The following SMYD3 variants were observed in gnomAD, a reference collection of about 807,000 sequenced individuals.
SMYD3 encodes the protein SET and MYND domain containing 3.
A neutral mutation model predicts 57.7 loss-of-function variants in SMYD3; 36 were observed. The ratio of observed to expected loss-of-function variants is 0.62; its 90% CI spans 0.48 to 0.82. The LOEUF is 0.82. Ranked by LOEUF, SMYD3 falls within the 40% of genes least tolerant of loss-of-function variation. The pLI is 0.00. For missense variants in SMYD3, 515 were observed against 538.8 expected (o/e 0.96, Z 0.44); for synonymous variants, 211 against 195.0 (o/e 1.08, Z -0.68).
rs568455123 is a variant in SMYD3 at position 246,488,634 on chromosome 1, C to T, written c.164+18420G>A. On this transcript the variant is annotated intron_variant, in intron 1 of 11. Transcript: ENST00000490107. ...CCAGGAGGCAGAGGTTGCAGTGTGC[C>T]GAGATCGCACCACTGCACTCCAGCT... Among the ~76,000 whole-genome samples, 12 of 152,152 alleles carry T rather than the reference C, an allele frequency of 7.9e-5. No individual in the cohort carries two copies. The South Asian group carries it at 2.1e-3, about 26-fold the overall frequency.
chr1:246,407,173 A>G (rs1011112232), intron 1 of SMYD3, among the ~76,000 whole-genome samples: 1 of 152,242 alleles, frequency 6.6e-6, no homozygotes, highest in African/African-American at 2.4e-5. Flanking sequence ...ATCACATACA[A>G]TTTTCAAATG....
At chr1:246,330,369 T>A (rs1244316415) in intron 4 of SMYD3, 111 bp downstream of exon 4, 7 of 818,464 alleles carry the variant, frequency 8.6e-6, no homozygotes, top group Admixed American at 3.1e-5. Flanking sequence ...TTTGTTAGGT[T>A]TGCATCACAT....
At chr1:246,216,696 G>C (rs2063169977) in intron 5 of SMYD3, among the ~76,000 whole-genome samples, 1 of 152,046 alleles carries the variant, frequency 6.6e-6, no homozygotes, top group Non-Finnish European at 1.5e-5. Context: ...CATAAAAGAA[G>C]TTGTATTTAA....
At chr1:246,246,534 T>C (rs2063707226) in intron 5 of SMYD3, among the ~76,000 whole-genome samples, 1 of 152,148 alleles carries the variant, frequency 6.6e-6, no homozygotes, top group African/African-American at 2.4e-5. Flanking sequence ...GAAGAGTGAA[T>C]TGTTCATATT....
Position 245,831,687 on chromosome 1 carries a change from G to A in SMYD3, c.1076+26809C>T, listed in dbSNP as rs563853734. Among the ~76,000 whole-genome samples, 15 of 152,318 alleles carry A rather than the reference G, an allele frequency of 9.8e-5. No homozygotes were observed. In the East Asian group the frequency reaches 2.3e-3, roughly 24 times the overall value. On this transcript the variant is annotated intron_variant, in intron 10 of 11. Transcript: ENST00000490107. Reference sequence around the variant, plus strand: ...GAGGTCAAGTCTGGAGCAGTGGCTTGTATTAATAGATCCTTTGTGAGGGCA... The same window carrying A: ...GAGGTCAAGTCTGGAGCAGTGGCTTATATTAATAGATCCTTTGTGAGGGCA...
intron 5 of SMYD3, among the ~76,000 whole-genome samples, chr1:246,036,712 C>A (rs1397849243): frequency 1.1e-5 from 1 of 94,614 alleles, no homozygotes; most frequent in Admixed American, 1.0e-4. Flanking sequence ...TGCCACTAAG[C>A]CCGGCTAATT....
At chr1:245,987,639 T>G (rs977373680) in intron 5 of SMYD3, among the ~76,000 whole-genome samples, 7 of 152,240 alleles carry the variant, frequency 4.6e-5, no homozygotes, top group African/African-American at 1.7e-4. Flanking sequence ...TTTATAAATA[T>G]GAAAACTAAG....
At position 246,230,805 on chromosome 1, in the gene SMYD3, G is replaced by C. The variant is rs150172080; in HGVS notation, c.531+96396C>G. Among the ~76,000 whole-genome samples the C allele has an allele frequency of 2.9e-3, 443 of 152,308 alleles. 3 individuals carry two copies. Among genetic ancestry groups the C allele is most frequent in the Middle Eastern group, 0.014 (4 of 294 alleles). The stretch of plus-strand genomic sequence containing the variant: ...CGTGGCTGTTGAGCAGTTGAAATGT[G>C]TTTAGTGCAAGAGAAAGACTTAATT... On this transcript the variant is annotated intron_variant, in intron 5 of 11. Transcript: ENST00000490107.
intron 1 of SMYD3, among the ~76,000 whole-genome samples, chr1:246,392,062 A>G (rs566727766): frequency 9.2e-5 from 14 of 152,256 alleles, no homozygotes; most frequent in African/African-American, 2.4e-5. Context: ...TAAAGCTCTC[A>G]TTGCTCTCCA....
chr1:246,187,224 C>A (rs2148309586), intron 5 of SMYD3, among the ~76,000 whole-genome samples: 2 of 151,316 alleles, frequency 1.3e-5, no homozygotes, highest in East Asian at 3.9e-4. Flanking sequence ...GGAGGCAGAG[C>A]CTGCATTGAG....
intron 2 of SMYD3, among the ~76,000 whole-genome samples, chr1:246,346,901 T>C (rs999340092): frequency 2.6e-5 from 4 of 152,114 alleles, no homozygotes; most frequent in Non-Finnish European, 5.9e-5. Context: ...TAAAAAACTA[T>C]AATTAATATG....
At chr1:246,112,000 G>C (rs2061252444) in intron 5 of SMYD3, among the ~76,000 whole-genome samples, 1 of 152,090 alleles carries the variant, frequency 6.6e-6, no homozygotes, top group Non-Finnish European at 1.5e-5. Context: ...GATTATCCTG[G>C]ATAGATGCAT....
chr1:246,128,556 T>C (rs1168789934), intron 5 of SMYD3, among the ~76,000 whole-genome samples: 1 of 152,200 alleles, frequency 6.6e-6, no homozygotes, highest in Non-Finnish European at 1.5e-5. Context: ...GTAAATATTA[T>C]GAATCCTCAG....
At chr1:245,793,215 A>G (rs1293802769) in intron 10 of SMYD3, among the ~76,000 whole-genome samples, 1 of 151,828 alleles carries the variant, frequency 6.6e-6, no homozygotes, top group East Asian at 1.9e-4. Flanking sequence ...AGGCTGAGGC[A>G]GGAGAATCGC....
At chr1:245,859,284 A>T (rs2051413076) in intron 9 of SMYD3, among the ~76,000 whole-genome samples, 1 of 152,242 alleles carries the variant, frequency 6.6e-6, no homozygotes, top group African/African-American at 2.4e-5. Flanking sequence ...AACCAAATAC[A>T]TTAAAATATG....
At chr1:245,907,132 G>A (rs774956608) in intron 8 of SMYD3, among the ~76,000 whole-genome samples, 8 of 152,112 alleles carry the variant, frequency 5.3e-5, no homozygotes, top group African/African-American at 9.7e-5. Context: ...GAAAGAATGG[G>A]TAAGACCTAC....
At chr1:246,470,786 A>G (rs922436204) in intron 1 of SMYD3, among the ~76,000 whole-genome samples, 1 of 152,052 alleles carries the variant, frequency 6.6e-6, no homozygotes, top group Admixed American at 6.5e-5. Context: ...TTATTGCAAC[A>G]TCGACAAAAT....
chr1:246,396,827 C>T (rs2066682303), intron 1 of SMYD3, among the ~76,000 whole-genome samples: 1 of 152,322 alleles, frequency 6.6e-6, no homozygotes, highest in East Asian at 1.9e-4. Flanking sequence ...GACTGTATGG[C>T]CTACAGAATC....
chr1:245,958,303 C>T (rs12568959), intron 5 of SMYD3, among the ~76,000 whole-genome samples: 20,546 of 152,102 alleles, frequency 0.14, 1,735 homozygotes, highest in East Asian at 0.41. Context: ...CAATCATACA[C>T]GATGCAGACT....
Sources: gnomAD v4.1 joint callset for allele counts (sites outside exome capture counted in the v4.1 genomes callset) on GRCh38, gnomAD v4.1.1 for gene constraint, MANE v1.5 for transcripts, NCBI Gene and HGNC (gene_info 2026-07-23, HGNC 2026-07-21) for gene names.